Variants in RIMS2 observed in about 807,000 individuals in gnomAD.
RIMS2 encodes regulating synaptic membrane exocytosis protein 2.
In RIMS2, 59 loss-of-function variants were observed where a neutral mutation model predicts 174.4. The observed-to-expected ratio is 0.34, with a 90% confidence interval of 0.27 to 0.42. The LOEUF (loss-of-function observed/expected upper bound fraction) is 0.42, where lower values mean the gene tolerates loss of function less well. Among genes scored for constraint, RIMS2 ranks in the 10% least tolerant of loss-of-function variants. RIMS2 has a pLI of 1.00. For missense variants in RIMS2, 1,620 were observed against 1,666.3 expected (o/e 0.97, Z 0.48); for synonymous variants, 606 against 572.5 (o/e 1.06, Z -0.84).
intron 1 of RIMS2, among the ~76,000 whole-genome samples, chr8:103,639,594 A>G (rs954507485): frequency 6.6e-6 from 1 of 151,878 alleles, no homozygotes; most frequent in Non-Finnish European, 1.5e-5. Context: ...AATACATTTG[A>G]TATTTAGTCA....
intron 3 of RIMS2, among the ~76,000 whole-genome samples, chr8:103,857,922 C>T (rs1425289878): frequency 1.3e-5 from 2 of 152,170 alleles, no homozygotes; most frequent in Non-Finnish European, 2.9e-5. Flanking sequence ...TCAGCTAGTG[C>T]AGCTTCTCTG....
intron 19 of RIMS2, among the ~76,000 whole-genome samples, chr8:104,144,538 A>G (rs559810717): frequency 1.3e-5 from 2 of 152,138 alleles, no homozygotes; most frequent in East Asian, 1.9e-4. Flanking sequence ...AGTTACCGAC[A>G]CTTTTTATGT....
In RIMS2 at chr8:104,044,216, T is replaced by G. The variant is rs73295583; in HGVS notation, c.3334+29601T>G. 7.2e-3 allele frequency among the ~76,000 whole-genome samples: 1,097 copies of G among 151,604 alleles called. 16 individuals carry two copies. The highest frequency in any genetic ancestry group is 0.025 in the African/African-American group (1,036 of 41,468). The stretch of plus-strand genomic sequence containing the variant: ...GGTTTCAGACCACAGTAGAAAAGAT[T>G]AGGAGGTCTCTAAGCAATGCAGAAA... On this transcript the variant is annotated intron_variant, in intron 19 of 23. Transcript: ENST00000504942.
chr8:104,228,042 T>C (rs2511579), intron 19 of RIMS2, among the ~76,000 whole-genome samples: 25,995 of 146,732 alleles, frequency 0.18, 2,110 homozygotes, highest in Non-Finnish European at 0.22. Context: ...TTTTTTTTTT[T>C]CTTTGAGACA....
At chr8:103,732,731 C>T (rs2097620764) in intron 2 of RIMS2, among the ~76,000 whole-genome samples, 1 of 152,178 alleles carries the variant, frequency 6.6e-6, no homozygotes, top group Admixed American at 6.5e-5. Flanking sequence ...CACCGCGGAC[C>T]TATGGCCTCT....
intron 19 of RIMS2, among the ~76,000 whole-genome samples, chr8:104,243,973 T>A (rs1447662045): frequency 6.6e-6 from 1 of 152,164 alleles, no homozygotes; most frequent in African/African-American, 2.4e-5. Flanking sequence ...CACATGGTCA[T>A]CCCTATCTTT....
intron 1 of RIMS2, among the ~76,000 whole-genome samples, chr8:103,689,706 T>C (rs2096989009): frequency 6.6e-6 from 1 of 152,094 alleles, no homozygotes; most frequent in African/African-American, 2.4e-5. Context: ...CCTTTTGCAA[T>C]AGGAAATCAC....
intron 17 of RIMS2, among the ~76,000 whole-genome samples, chr8:103,992,578 A>G (rs1596557364): frequency 2.0e-5 from 3 of 152,088 alleles, no homozygotes; most frequent in South Asian, 2.1e-4. Context: ...ATGCTATTTG[A>G]TATTCATTAA....
chr8:103,828,525 C>T (rs1283692709), intron 3 of RIMS2, among the ~76,000 whole-genome samples: 6 of 152,148 alleles, frequency 3.9e-5, no homozygotes, highest in African/African-American at 7.2e-5. Context: ...TTCTCCCATT[C>T]TGTAGGTGTC....
At chr8:103,559,909 T>C (rs1334366158) in intron 1 of RIMS2, among the ~76,000 whole-genome samples, 2 of 152,140 alleles carry the variant, frequency 1.3e-5, no homozygotes, top group African/African-American at 4.8e-5. Context: ...CAGGATGAAA[T>C]AAAGAAGGCC....
chr8:103,725,519 G>A (rs181852220), intron 2 of RIMS2, among the ~76,000 whole-genome samples: 2 of 152,234 alleles, frequency 1.3e-5, no homozygotes, highest in African/African-American at 4.8e-5. Context: ...CAAAATCTAT[G>A]AGATTCATCC....
chr8:103,552,923 G>A (rs905732023), intron 1 of RIMS2, among the ~76,000 whole-genome samples: 13 of 152,114 alleles, frequency 8.5e-5, no homozygotes, highest in Admixed American at 1.3e-4. Context: ...TTAGAATGGC[G>A]ATCATTAAAA....
chr8:103,758,189 C>T (rs1358226656), intron 2 of RIMS2, among the ~76,000 whole-genome samples: 2 of 152,088 alleles, frequency 1.3e-5, no homozygotes, highest in African/African-American at 2.4e-5. Context: ...TTTCTTCCTT[C>T]CTCTTTCCTC....
chr8:104,021,702 A>T (rs62527148), intron 19 of RIMS2, among the ~76,000 whole-genome samples: 2 of 152,054 alleles, frequency 1.3e-5, no homozygotes, highest in Non-Finnish European at 2.9e-5. Flanking sequence ...TCAGACTGTT[A>T]TGCTTTCTTC....
At chr8:104,055,422 C>T (rs1458768723) in intron 19 of RIMS2, among the ~76,000 whole-genome samples, 1 of 152,054 alleles carries the variant, frequency 6.6e-6, no homozygotes. Context: ...ATTTAGCAAT[C>T]ATGTAAAAGG....
chr8:104,000,546 C>G (rs541481933), intron 17 of RIMS2, among the ~76,000 whole-genome samples: 1 of 151,810 alleles, frequency 6.6e-6, no homozygotes, highest in South Asian at 2.1e-4. Context: ...CTTCAACATA[C>G]TGATTTCCTT....
intron 4 of RIMS2, among the ~76,000 whole-genome samples, chr8:103,899,528 A>G (rs1024257035): frequency 2.6e-5 from 4 of 151,676 alleles, no homozygotes; most frequent in African/African-American, 9.8e-5. Flanking sequence ...CTTCTTTTGA[A>G]AAGTGTCTTT....
chr8:103,927,037 C>G (rs1483036439), intron 10 of RIMS2, among the ~76,000 whole-genome samples: 2 of 151,344 alleles, frequency 1.3e-5, no homozygotes, highest in Non-Finnish European at 3.0e-5. Flanking sequence ...TAAGTAGAAG[C>G]AACTACCTCA....
At chr8:104,027,591 T>C (rs926090171) in intron 19 of RIMS2, among the ~76,000 whole-genome samples, 5 of 152,130 alleles carry the variant, frequency 3.3e-5, no homozygotes, top group African/African-American at 1.2e-4. Flanking sequence ...AGAGAAAGAG[T>C]GTAGTTCTTG....
Sources: gnomAD v4.1 joint callset for allele counts (sites outside exome capture counted in the v4.1 genomes callset) on GRCh38, gnomAD v4.1.1 for gene constraint, MANE v1.5 for transcripts, NCBI Gene and HGNC (gene_info 2026-07-23, HGNC 2026-07-21) for gene names.